Variants in PKD1L3 observed in about 807,000 individuals in gnomAD.
PKD1L3 encodes polycystin 1 like 3, transient receptor potential channel interacting.
A neutral mutation model predicts 184.1 loss-of-function variants in PKD1L3; 239 were observed. The observed-to-expected ratio is 1.30, with a 90% CI of 1.17 to 1.45. The LOEUF is 1.45. Among genes scored for constraint, PKD1L3 ranks in the 40% most tolerant of loss-of-function variants. The pLI, the probability that PKD1L3 is intolerant of heterozygous loss-of-function variation, is 0.00. For synonymous variants in PKD1L3, 996 were observed against 778.8 expected, an observed-to-expected ratio of 1.28 and a Z score of -4.64; for missense variants, 2,660 against 2,067.2, an observed-to-expected ratio of 1.29 and a Z score of -5.56.
In PKD1L3 at chr16:71,935,494, A is replaced by G. The variant is rs1480947978; in HGVS notation, c.4477T>C (p.Trp1493Arg). 3 of 1,552,050 alleles carry G rather than the reference A, an allele frequency of 1.9e-6. No individual in the cohort carries two copies. The highest frequency in any genetic ancestry group is 1.4e-5 in the African/African-American group (1 of 73,032). ...IQGCQLKQQK[W>R]RFFTGKRNIL... is the part of the protein sequence containing the mutation. Reference sequence around the variant, plus strand: ...TTTCTTTTCCCAGTGAAGAACCTCCACTTCTGCTGTTTCAGCTGACAACCC... The same window carrying G: ...TTTCTTTTCCCAGTGAAGAACCTCCGCTTCTGCTGTTTCAGCTGACAACCC... Residue 1493 changes from tryptophan (W) to arginine (R), a missense_variant, in exon 26 of 30, where the codon TGG becomes CGG. Coordinates refer to ENST00000620267, the MANE Select transcript of PKD1L3 (RefSeq NM_181536.2).
chr16:71,987,867 G>A (rs142054239), intron 4 of PKD1L3, among the ~76,000 whole-genome samples: 287 of 152,242 alleles, frequency 1.9e-3, no homozygotes, highest in South Asian at 3.9e-3. Flanking sequence ...GTTAGTGACG[G>A]TATGTGAGGA....
intron 16 of PKD1L3, among the ~76,000 whole-genome samples, chr16:71,961,329 G>A (rs1302850123): frequency 6.6e-6 from 1 of 152,008 alleles, no homozygotes; most frequent in Non-Finnish European, 1.5e-5. Context: ...TACCATGTTG[G>A]CCAGGCTGGT....
At chr16:71,976,264 C>CTTTTT (rs71153688) in intron 11 of PKD1L3, among the ~76,000 whole-genome samples, 9 of 81,770 alleles carry the variant, frequency 1.1e-4, no homozygotes, top group East Asian at 7.5e-4. Flanking sequence ...CCCAGCCTGT[C>CTTTTT]TTTTTTTTTT....
At chr16:71,984,279 G>A (rs1271434510) in intron 5 of PKD1L3, 112 bp from the exon 6 acceptor site, 1 of 1,041,600 alleles carries the variant, frequency 9.6e-7, no homozygotes, top group African/African-American at 1.6e-5. Context: ...TAAACCCTAT[G>A]AACCACAGCT....
intron 1 of PKD1L3, 133 bp from the exon 2 acceptor site, chr16:71,998,527 T>G: frequency 8.2e-7 from 1 of 1,221,748 alleles, no homozygotes; most frequent in Non-Finnish European, 1.1e-6. Flanking sequence ...CTTCACTCAC[T>G]GCAATCTCTG....
In PKD1L3 at chr16:71,935,377, A is replaced by G; in HGVS notation, c.4594T>C (p.Tyr1532His). The G allele has an allele frequency of 6.4e-7, 1 of 1,551,690 alleles. No homozygotes were observed. ...TCTCACCTGTCCTGGTCATCGCGGT[A>G]TCGTGCCATGTTTTTCTTATGTAGA... ...ISLHKKNMAR[Y>H]RDDQDRFISF... Residue 1532 changes from tyrosine (Y) to histidine (H), a missense_variant, in exon 26 of 30, where the codon TAC becomes CAC. Tyr to His is a moderately conservative substitution (Grantham distance 83, BLOSUM62 2). Transcript: ENST00000620267.
intron 6 of PKD1L3, among the ~76,000 whole-genome samples, 152 bp downstream of exon 6, chr16:71,983,884 A>G (rs2040259126): frequency 6.6e-6 from 1 of 151,114 alleles, no homozygotes; most frequent in Admixed American, 6.6e-5. Context: ...TCAGGTCTTG[A>G]ACTCCTGGCC....
chr16:71,929,944 TATG>T, intron 29 of PKD1L3, 105 bp downstream of exon 29: 1 of 1,296,930 alleles, frequency 7.7e-7, no homozygotes, highest in East Asian at 2.5e-5. Flanking sequence ...ATAAAGGGAA[TATG>T]ATACTGTGCA....
rs1567527507 is a variant in PKD1L3, at chr16:71,970,055, CA to C, written c.2003del (p.Leu668ArgfsTer15). 8 of 1,551,662 alleles carry C rather than the reference CA, an allele frequency of 5.2e-6. No individual in the cohort carries two copies. In the Admixed American group the frequency reaches 7.8e-5, roughly 15 times the overall value. On this transcript the variant is annotated frameshift_variant, in exon 13 of 30. Coordinates refer to ENST00000620267, the MANE Select transcript of PKD1L3 (RefSeq NM_181536.2). LOFTEE classifies it high-confidence loss of function. ...ILRTQCLCNHLTFFASDFFVV... is the reference protein window; with the variant it reads ...ILRTQCLCNHXTFFASDFFVV... The stretch of plus-strand genomic sequence containing the variant: ...CAAAGAAGTCGCTGGCAAAGAAGGT[CA>C]GGTGGTTACAGAGACACTGTGTCCT...
chr16:71,954,695 A>G (rs1454519648), intron 16 of PKD1L3, among the ~76,000 whole-genome samples: 1 of 152,196 alleles, frequency 6.6e-6, no homozygotes, highest in Non-Finnish European at 1.5e-5. Context: ...CCAAATATGG[A>G]GGAACTATAA....
chr16:71,989,707 T>C (rs2040514306), intron 4 of PKD1L3, among the ~76,000 whole-genome samples: 1 of 152,218 alleles, frequency 6.6e-6, no homozygotes, highest in Non-Finnish European at 1.5e-5. Flanking sequence ...CTTTCTGGAA[T>C]GAAGCAGGGA....
At position 71,949,794 on chromosome 16, in the gene PKD1L3, G is replaced by A. The variant is rs1231314092; in HGVS notation, c.3607C>T (p.Gln1203Ter). 2 of 1,550,234 alleles carry A rather than the reference G, an allele frequency of 1.3e-6. No homozygotes were observed. Among genetic ancestry groups the A allele is most frequent in the Non-Finnish European group, 1.7e-6 (2 of 1,146,618 alleles). The change falls in exon 21 of 30, where the codon CAG (glutamine) becomes TAG (stop). Residue 1203 changes from glutamine to a stop codon, truncating the protein, a stop_gained. Transcript: ENST00000620267. LOFTEE classifies it high-confidence loss of function. ...LSVLQNIFISQPVKVVFFTFL... is the reference protein window; with the variant it reads ...LSVLQNIFIS ...CATCCCTCACATACCTTTACTGGCT[G>A]GCTGATGAAGATGTTCTGAAGCACT...
chr16:71,936,525 T>TC (rs1280024987), intron 25 of PKD1L3, among the ~76,000 whole-genome samples: 42 of 138,814 alleles, frequency 3.0e-4, no homozygotes, highest in African/African-American at 1.3e-3. Context: ...TTTTCTTTTT[T>TC]TTTTTTTTTT....
intron 16 of PKD1L3, among the ~76,000 whole-genome samples, chr16:71,961,822 G>A (rs919649214): frequency 2.6e-5 from 4 of 152,124 alleles, no homozygotes; most frequent in Non-Finnish European, 5.9e-5. Context: ...CTTATATGCC[G>A]CAATTGTAAT....
intron 14 of PKD1L3, 144 bp downstream of exon 14, chr16:71,967,762 G>T: frequency 1.4e-6 from 1 of 706,068 alleles, no homozygotes; most frequent in African/African-American, 1.8e-5. Context: ...CCCATGTGCG[G>T]CCCACATGTA....
chr16:71,966,296 C>G (rs9925462), intron 15 of PKD1L3, among the ~76,000 whole-genome samples: 40,492 of 151,942 alleles, frequency 0.27, 5,706 homozygotes, highest in South Asian at 0.41. Context: ...GGGTGCTGCT[C>G]AAGGAAGATA....
intron 11 of PKD1L3, among the ~76,000 whole-genome samples, chr16:71,976,799 G>C (rs1055864790): frequency 6.6e-6 from 1 of 152,066 alleles, no homozygotes; most frequent in Non-Finnish European, 1.5e-5. Flanking sequence ...CTGGAGTGCA[G>C]TGGCACGGTG....
At chr16:71,973,097 T>C (rs916189096) in intron 12 of PKD1L3, among the ~76,000 whole-genome samples, 1 of 152,254 alleles carries the variant, frequency 6.6e-6, no homozygotes, top group African/African-American at 2.4e-5. Flanking sequence ...GGACTGTGTT[T>C]GAGAAAGAAA....
intron 21 of PKD1L3, among the ~76,000 whole-genome samples, chr16:71,947,935 G>A (rs558611119): frequency 5.9e-5 from 4 of 67,548 alleles, no homozygotes; most frequent in African/African-American, 2.1e-4. Context: ...TTTTTTTTTT[G>A]AGACGGAGTC....
Sources: gnomAD v4.1 joint callset for allele counts (sites outside exome capture counted in the v4.1 genomes callset) on GRCh38, gnomAD v4.1.1 for gene constraint, MANE v1.5 for transcripts, NCBI Gene and HGNC (gene_info 2026-07-23, HGNC 2026-07-21) for gene names.